TTC39B: variants seen among roughly 807,000 people sequenced by gnomAD.
The protein encoded by TTC39B is tetratricopeptide repeat protein 39B.
A neutral mutation model predicts 96.6 loss-of-function variants in TTC39B; 92 were observed. The observed-to-expected ratio is 0.95, with a 90% CI of 0.80 to 1.13. TTC39B has a LOEUF of 1.13. Among genes scored for constraint, TTC39B ranks in the 50% most tolerant of loss-of-function variants. The probability of loss-of-function intolerance (pLI) is 0.00; values close to 1 mark genes in which losing one functional copy is unlikely to be tolerated. For synonymous variants in TTC39B, 367 were observed against 299.4 expected (o/e 1.23, Z -2.33); for missense variants, 955 against 809.3 (o/e 1.18, Z -2.18).
chr9:15,200,405 T>TCA (rs1418623503), intron 7 of TTC39B, among the ~76,000 whole-genome samples: 1 of 152,224 alleles, frequency 6.6e-6, no homozygotes, highest in African/African-American at 2.4e-5. Flanking sequence ...CGAATTTTAC[T>TCA]CACACACATT....
Position 15,230,100 on chromosome 9 carries a change from C to T in TTC39B, c.276-4088G>A, listed in dbSNP as rs111392624. Among the ~76,000 whole-genome samples the T allele has an allele frequency of 4.6e-3, 706 of 152,274 alleles. 2 individuals carry two copies. The highest frequency in any genetic ancestry group is 6.8e-3 in the Non-Finnish European group (460 of 68,034). ...TATGCATGTACCCTTGCAAAAGAGC[C>T]ATGCTAAATCTTTATACTGGAGGCT... is the stretch of plus-strand genomic sequence containing the variant. On this transcript the variant is annotated intron_variant, in intron 2 of 19. Coordinates refer to ENST00000512701, the Ensembl canonical transcript of TTC39B.
chr9:15,189,433 T>G, intron 13 of TTC39B, 141 bp downstream of exon 13: 2 of 811,444 alleles, frequency 2.5e-6, no homozygotes, highest in Non-Finnish European at 3.8e-6. Flanking sequence ...AGTTTTGGCT[T>G]TTTACTTATA....
In TTC39B at chr9:15,187,965, C is replaced by T; in HGVS notation, c.1395+6G>A. On this transcript the variant is annotated splice_donor_region_variant and intron_variant, in intron 14 of 19. Coordinates refer to ENST00000512701, the Ensembl canonical transcript of TTC39B. ...AGATGACATTAATGAAAGTATTGCA[C>T]TTTACCTTGGACCATTTACTCTCTT... 3 of 1,566,706 alleles carry T rather than the reference C, an allele frequency of 1.9e-6. No homozygotes were observed. The highest frequency in any genetic ancestry group is 8.6e-7 in the Non-Finnish European group (1 of 1,159,262).
At chr9:15,262,930 G>A (rs1822994735) in intron 2 of TTC39B, among the ~76,000 whole-genome samples, 1 of 152,132 alleles carries the variant, frequency 6.6e-6, no homozygotes, top group South Asian at 2.1e-4. Flanking sequence ...ATTCACAAAG[G>A]GAATGTTATA....
At position 15,306,283 on chromosome 9, in the gene TTC39B, AAT is replaced by A. The variant is rs1824749509; in HGVS notation, c.240+799_240+800del. Among the ~76,000 whole-genome samples the A allele has an allele frequency of 6.6e-6, 1 of 152,244 alleles. No homozygotes were observed. Among genetic ancestry groups the A allele is most frequent in the Non-Finnish European group, 1.5e-5 (1 of 68,040 alleles). The stretch of plus-strand genomic sequence containing the variant: ...TCTGGAGTTGCCAGGTGCTGAAATG[AAT>A]AGTCAATAAATCAACAGGTCCGGCG... On this transcript the variant is annotated intron_variant, in intron 1 of 19. Transcript: ENST00000512701. The surrounding 1 kb of genome is among the most constrained non-coding windows in gnomAD (Gnocchi z 5.1).
At chr9:15,214,313 GGAGT>G in intron 3 of TTC39B, 64 bp from the exon 4 acceptor site, 7 of 1,041,906 alleles carry the variant, frequency 6.7e-6, no homozygotes, top group South Asian at 6.6e-5. Context: ...TTGTCCGAAG[GGAGT>G]GTGTGTGTGT....
At chr9:15,248,127 T>A (rs1822367724) in intron 2 of TTC39B, among the ~76,000 whole-genome samples, 1 of 152,194 alleles carries the variant, frequency 6.6e-6, no homozygotes, top group Admixed American at 6.5e-5. Flanking sequence ...CATAAGACAT[T>A]TTAAAAATAA....
intron 6 of TTC39B, among the ~76,000 whole-genome samples, chr9:15,206,429 G>A (rs1156431588): frequency 6.6e-6 from 1 of 152,184 alleles, no homozygotes; most frequent in Non-Finnish European, 1.5e-5. Flanking sequence ...GTCTGTTTGG[G>A]TTGCAGTTGA....
Position 15,200,895 on chromosome 9 carries a change from A to G in TTC39B, c.760-970T>C, listed in dbSNP as rs142711120. ...GTGCCTGTAGTCGCAGCTACTCAGG[A>G]GGCTGAGGCAGGAGAATCACTTGAA... On this transcript the variant is annotated intron_variant, in intron 7 of 19. Coordinates refer to ENST00000512701, the Ensembl canonical transcript of TTC39B. Among the ~76,000 whole-genome samples the G allele has an allele frequency of 7.4e-3, 1,123 of 152,284 alleles. 11 individuals carry two copies. Among genetic ancestry groups the G allele is most frequent in the African/African-American group, 0.026 (1,062 of 41,560 alleles).
At position 15,197,245 on chromosome 9, in the gene TTC39B, C is replaced by T. The variant is rs149336436; in HGVS notation, c.824+2616G>A. ...CCTGTATGTCTTTGCCTCTACAGTCCTATTTTAATCCTTTAGTATTTTTAG... is the reference window on the plus strand; with the variant it reads ...CCTGTATGTCTTTGCCTCTACAGTCTTATTTTAATCCTTTAGTATTTTTAG... On this transcript the variant is annotated intron_variant, in intron 8 of 19. Transcript: ENST00000512701. Among the ~76,000 whole-genome samples the T allele has an allele frequency of 2.4e-3, 368 of 152,262 alleles. 3 individuals are homozygous for T. Among genetic ancestry groups the T allele is most frequent in the African/African-American group, 8.5e-3 (354 of 41,562 alleles).
At position 15,294,553 on chromosome 9, in the gene TTC39B, T is replaced by C. The variant is rs374561080; in HGVS notation, c.240+12531A>G. Among the ~76,000 whole-genome samples the C allele has an allele frequency of 2.6e-5, 4 of 152,316 alleles. No homozygotes were observed. The East Asian group carries it at 5.8e-4, about 22-fold the overall frequency. ...CTGACAAATATTAACACTTTTCAGT[T>C]TTAGATAGAGCTGGAACAGATGGCC... On this transcript the variant is annotated intron_variant, in intron 1 of 19. Transcript: ENST00000512701.
intron 3 of TTC39B, among the ~76,000 whole-genome samples, chr9:15,218,285 A>T (rs1586897521): frequency 6.6e-6 from 1 of 152,126 alleles, no homozygotes; most frequent in East Asian, 1.9e-4. Context: ...ACTGGAAATT[A>T]GAAGTCAGCC....
chr9:15,233,294 C>G (rs1821534860), intron 2 of TTC39B, among the ~76,000 whole-genome samples: 1 of 152,132 alleles, frequency 6.6e-6, no homozygotes, highest in Non-Finnish European at 1.5e-5. Context: ...CACCGGAACA[C>G]ACGGCGACAA....
intron 1 of TTC39B, among the ~76,000 whole-genome samples, chr9:15,277,349 A>T (rs1379515005): frequency 1.3e-5 from 2 of 152,048 alleles, no homozygotes; most frequent in African/African-American, 2.4e-5. Context: ...AATTGCTTGA[A>T]CCCGGGAGGC....
intron 1 of TTC39B, among the ~76,000 whole-genome samples, chr9:15,290,329 T>G (rs1293802438): frequency 6.6e-6 from 1 of 152,174 alleles, no homozygotes; most frequent in Non-Finnish European, 1.5e-5. Flanking sequence ...GCTTGGGAAC[T>G]GAGTCACACA....
At chr9:15,222,684 C>G (rs893194952) in intron 3 of TTC39B, among the ~76,000 whole-genome samples, 2 of 152,130 alleles carry the variant, frequency 1.3e-5, no homozygotes, top group African/African-American at 4.8e-5. Flanking sequence ...AGTTCTGTAC[C>G]CACACTGGGC....
chr9:15,259,620 C>T (rs946634252), intron 2 of TTC39B, among the ~76,000 whole-genome samples: 1 of 152,136 alleles, frequency 6.6e-6, no homozygotes, highest in Non-Finnish European at 1.5e-5. Context: ...TATTATTCAG[C>T]CATAAAAAGG....
chr9:15,221,129 C>A (rs985707738), intron 3 of TTC39B, among the ~76,000 whole-genome samples: 1 of 152,176 alleles, frequency 6.6e-6, no homozygotes, highest in African/African-American at 2.4e-5. Context: ...GTTCTCAAGA[C>A]TCTGCAGATA....
intron 17 of TTC39B, among the ~76,000 whole-genome samples, 199 bp from the exon 18 acceptor site, chr9:15,178,013 G>A (rs565814531): frequency 1.3e-5 from 2 of 151,826 alleles, no homozygotes; most frequent in South Asian, 2.1e-4. Flanking sequence ...GGGACTACAG[G>A]TGCCCACCAC....
Sources: allele counts gnomAD v4.1 joint callset (sites outside exome capture counted in the v4.1 genomes callset), GRCh38; gene constraint gnomAD v4.1.1; non-coding constraint Gnocchi (gnomAD v3.1); transcripts MANE v1.5; gene names NCBI Gene and HGNC (gene_info 2026-07-23, HGNC 2026-07-21).